LHX8: variants seen among roughly 807,000 people sequenced by gnomAD.
LHX8 encodes the protein LIM homeobox 8.
In LHX8, 12 loss-of-function variants were observed where a neutral mutation model predicts 40.3. The ratio of observed to expected loss-of-function variants is 0.30; its 90% CI spans 0.19 to 0.48. The LOEUF (loss-of-function observed/expected upper bound fraction) is 0.48, where lower values mean the gene tolerates loss of function less well. Ranked by LOEUF, LHX8 falls within the 20% of genes least tolerant of loss-of-function variation. The pLI is 0.99. For missense variants in LHX8, 344 were observed against 433.7 expected (o/e 0.79, Z 1.84); for synonymous variants, 179 against 162.0 (o/e 1.10, Z -0.80).
At chr1:75,154,587 G>A (rs1377179442) in intron 7 of LHX8, among the ~76,000 whole-genome samples, 1 of 152,164 alleles carries the variant, frequency 6.6e-6, no homozygotes, top group African/African-American at 2.4e-5. Flanking sequence ...GCCGGTGGCA[G>A]TGGTTCCCCC....
rs1199196380 is a variant in LHX8 at position 75,134,714 on chromosome 1, C to A, written c.-253C>A. ...CCCCCTGAGAAGGTGAGCGAGCCGA[C>A]GCCTGGCCAGACCAGCTGAATCGCA... On this transcript the variant is annotated 5_prime_UTR_variant, in exon 1 of 9. Transcript: ENST00000356261. Among the ~76,000 whole-genome samples the A allele has an allele frequency of 6.6e-6, 1 of 152,138 alleles. No homozygotes were observed. The highest frequency in any genetic ancestry group is 2.4e-5 in the African/African-American group (1 of 41,424).
At chr1:75,165,140 GC>G (rs758349030), downstream of LHX8, among the ~76,000 whole-genome samples, 24 of 152,090 alleles carry the variant, frequency 1.6e-4, no homozygotes, top group Non-Finnish European at 2.8e-4. Context: ...TTAGTACCTG[GC>G]ACTCTATCAT....
the LHX8 span, among the ~76,000 whole-genome samples, chr1:75,168,411 G>A: frequency 1.3e-5 from 2 of 152,076 alleles, no homozygotes; most frequent in Admixed American, 6.6e-5. Flanking sequence ...TTTTTTAGTA[G>A]AGATGGGGTT....
chr1:75,178,436 C>A, the LHX8 span, among the ~76,000 whole-genome samples: 1 of 152,036 alleles, frequency 6.6e-6, no homozygotes, highest in Non-Finnish European at 1.5e-5. Flanking sequence ...TCCATTTTTT[C>A]TAGATTTTCT....
At chr1:75,175,235 T>C in the LHX8 span, among the ~76,000 whole-genome samples, 1 of 152,248 alleles carries the variant, frequency 6.6e-6, no homozygotes, top group Non-Finnish European at 1.5e-5. Context: ...GGTTCCATAT[T>C]TTTGCAATTC....
intron 6 of LHX8, among the ~76,000 whole-genome samples, chr1:75,145,647 G>T (rs189574579): frequency 6.6e-6 from 1 of 152,180 alleles, no homozygotes; most frequent in Non-Finnish European, 1.5e-5. Context: ...GAAGAGATTT[G>T]GAACCTTCTC....
rs189929957 is a variant in LHX8, at chr1:75,151,270, A to C, written c.780+2588A>C. 7.7e-3 allele frequency among the ~76,000 whole-genome samples: 1,178 copies of C among 152,320 alleles called. 9 individuals are homozygous for C. Among genetic ancestry groups the C allele is most frequent in the Non-Finnish European group, 0.012 (811 of 68,026 alleles). ...TGTTTTAATTGACTGCAAGGTAATGAGGCTGTCTTAGGAGACAAGTTCTAC... is the reference window on the plus strand; with the variant it reads ...TGTTTTAATTGACTGCAAGGTAATGCGGCTGTCTTAGGAGACAAGTTCTAC... On this transcript the variant is annotated intron_variant, in intron 7 of 8. Coordinates refer to ENST00000356261, the MANE Select transcript of LHX8 (RefSeq NM_001256114.2).
At chr1:75,164,666 A>T (rs1432443820), downstream of LHX8, among the ~76,000 whole-genome samples, 6 of 152,126 alleles carry the variant, frequency 3.9e-5, no homozygotes, top group Non-Finnish European at 8.8e-5. Context: ...ATACAATTTT[A>T]AAAAACTTTA....
upstream of LHX8, chr1:75,132,627 G>C (rs1648002251): frequency 6.6e-6 from 1 of 152,110 alleles, no homozygotes; most frequent in African/African-American, 2.4e-5. Flanking sequence ...TGGAAAGACC[G>C]CATAAATGCC....
chr1:75,192,117 G>T, the LHX8 span, among the ~76,000 whole-genome samples: 13 of 152,238 alleles, frequency 8.5e-5, no homozygotes, highest in African/African-American at 3.1e-4. Flanking sequence ...TCATATAGTT[G>T]TTTTAAGTGA....
downstream of LHX8, among the ~76,000 whole-genome samples, chr1:75,163,720 C>T (rs988908360): frequency 4.6e-5 from 7 of 152,104 alleles, no homozygotes; most frequent in African/African-American, 1.7e-4. Flanking sequence ...ATATTACCTA[C>T]AATATCATTT....
intron 8 of LHX8, among the ~76,000 whole-genome samples, chr1:75,157,985 A>T (rs1222762488): frequency 6.6e-6 from 1 of 152,200 alleles, no homozygotes; most frequent in Non-Finnish European, 1.5e-5. Context: ...ATTCTGACAG[A>T]TAGTTTTTCA....
At chr1:75,169,497 C>T in the LHX8 span, among the ~76,000 whole-genome samples, 3 of 152,024 alleles carry the variant, frequency 2.0e-5, no homozygotes, top group Non-Finnish European at 2.9e-5. Context: ...GGAGAGTGGG[C>T]GGTGGAGGTG....
upstream of LHX8, chr1:75,132,454 C>A (rs1262430707): frequency 6.6e-6 from 1 of 152,292 alleles, no homozygotes; most frequent in African/African-American, 2.4e-5. Flanking sequence ...CCAGACCAAT[C>A]TTTCACGTCT....
At chr1:75,149,647 A>C (rs1313027792) in intron 7 of LHX8, among the ~76,000 whole-genome samples, 2 of 152,122 alleles carry the variant, frequency 1.3e-5, no homozygotes, top group African/African-American at 4.8e-5. Flanking sequence ...TCCAGGTCTC[A>C]GGTGATCCTC....
At chr1:75,185,670 A>G in the LHX8 span, among the ~76,000 whole-genome samples, 1 of 152,176 alleles carries the variant, frequency 6.6e-6, no homozygotes, top group Admixed American at 6.5e-5. Context: ...CTCCTATTCA[A>G]CATAGTATTG....
the LHX8 span, among the ~76,000 whole-genome samples, chr1:75,169,230 A>C: frequency 9.2e-5 from 14 of 152,114 alleles, no homozygotes; most frequent in African/African-American, 3.4e-4. Context: ...AGCTATACGC[A>C]AGTGGGCAGG....
At chr1:75,196,110 C>T in the LHX8 span, among the ~76,000 whole-genome samples, 1 of 152,092 alleles carries the variant, frequency 6.6e-6, no homozygotes, top group African/African-American at 2.4e-5. Context: ...GCCTTCCATT[C>T]AGAAGGATTT....
chr1:75,137,370 A>C (rs1526503), intron 3 of LHX8, 109 bp downstream of exon 3: 2 of 1,129,396 alleles, frequency 1.8e-6, no homozygotes, highest in Non-Finnish European at 2.6e-6. Context: ...GTTCTGGGTG[A>C]AGGTTGTAGG....
Sources: allele counts gnomAD v4.1 joint callset (sites outside exome capture counted in the v4.1 genomes callset), GRCh38; gene constraint gnomAD v4.1.1; transcripts MANE v1.5; gene names NCBI Gene and HGNC (gene_info 2026-07-23, HGNC 2026-07-21).